The following LCMT1 variants were observed in gnomAD, a reference collection of about 807,000 sequenced individuals.
The protein encoded by LCMT1 is [Phosphatase 2A protein]-leucine-carboxy methyltransferase 1.
LCMT1 carries 32 observed loss-of-function variants against 47.7 expected under a neutral mutation model. The ratio of observed to expected loss-of-function variants is 0.67; its 90% confidence interval spans 0.51 to 0.90. The LOEUF (loss-of-function observed/expected upper bound fraction) is 0.90, where lower values mean the gene tolerates loss of function less well. LCMT1 is among the 40% of genes least tolerant of loss of function. LCMT1 has a pLI of 0.00. For synonymous variants in LCMT1, 152 were observed against 149.7 expected, an observed-to-expected ratio of 1.02 and a Z score of -0.11; for missense variants, 375 against 415.2, an observed-to-expected ratio of 0.90 and a Z score of 0.84.
intron 10 of LCMT1, 42 bp from the exon 11 acceptor site, chr16:25,177,959 C>T (rs762341501): frequency 1.9e-6 from 3 of 1,605,354 alleles, no homozygotes; most frequent in Non-Finnish European, 2.6e-6. Context: ...TGCTCCTGGC[C>T]ACCAGAGTCT....
chr16:25,138,525 G>GTGTGTGTGGT (rs1159731859), intron 3 of LCMT1, among the ~76,000 whole-genome samples: 10 of 151,836 alleles, frequency 6.6e-5, no homozygotes, highest in African/African-American at 2.2e-4. Flanking sequence ...ATGTGCGTGT[G>GTGTGTGTGGT]TGTGTGTGGT....
At chr16:25,119,425 C>G (rs935870592) in intron 1 of LCMT1, among the ~76,000 whole-genome samples, 49 of 152,258 alleles carry the variant, frequency 3.2e-4, no homozygotes, top group African/African-American at 1.1e-3. Context: ...CTTTGCGCCA[C>G]ATGAGCTGTA....
intron 1 of LCMT1, chr16:25,125,854 T>G (rs981100852): frequency 5.5e-5 from 11 of 198,754 alleles, no homozygotes; most frequent in East Asian, 1.8e-4. Flanking sequence ...ATAATAATAA[T>G]AATAATAATA....
intron 5 of LCMT1, among the ~76,000 whole-genome samples, chr16:25,156,369 G>A (rs1377438498): frequency 6.6e-6 from 1 of 152,204 alleles, no homozygotes; most frequent in African/African-American, 2.4e-5. Flanking sequence ...GCAGTGCCTA[G>A]TGCACAGACA....
At chr16:25,124,566 C>A (rs1484845319) in intron 1 of LCMT1, among the ~76,000 whole-genome samples, 1 of 152,164 alleles carries the variant, frequency 6.6e-6, no homozygotes, top group African/African-American at 2.4e-5. Flanking sequence ...ACATAGTAAG[C>A]ACTTGGTGAC....
intron 5 of LCMT1, among the ~76,000 whole-genome samples, chr16:25,154,072 C>T (rs1392608806): frequency 6.6e-6 from 1 of 151,956 alleles, no homozygotes; most frequent in Admixed American, 6.6e-5. Flanking sequence ...TGTGGTGGCT[C>T]AATCTCTGCT....
At chr16:25,166,555 C>G (rs3785371) in intron 7 of LCMT1, among the ~76,000 whole-genome samples, 5 of 152,312 alleles carry the variant, frequency 3.3e-5, no homozygotes, top group African/African-American at 1.2e-4. Context: ...TGCACACCAC[C>G]ATGCCCAGCT....
At chr16:25,143,245 T>G (rs1204836714) in intron 4 of LCMT1, 1 of 152,170 alleles carries the variant, frequency 6.6e-6, no homozygotes, top group Non-Finnish European at 1.5e-5. Flanking sequence ...AACTAAGTCT[T>G]AGGCTGCACG....
chr16:25,148,004 T>A (rs1960922441), intron 4 of LCMT1: 1 of 152,228 alleles, frequency 6.6e-6, no homozygotes, highest in African/African-American at 2.4e-5. Context: ...GCATTGCCCA[T>A]GACTGTAGCC....
intron 4 of LCMT1, chr16:25,141,796 T>C (rs1759431202): frequency 1.3e-5 from 2 of 152,280 alleles, no homozygotes; most frequent in South Asian, 2.1e-4. Flanking sequence ...CAAGACAGCA[T>C]TGGCTAGGGA....
chr16:25,168,208 C>G (rs1961645977), intron 7 of LCMT1, among the ~76,000 whole-genome samples: 1 of 151,838 alleles, frequency 6.6e-6, no homozygotes, highest in Non-Finnish European at 1.5e-5. Context: ...GCCACTGCGC[C>G]TGGCTGATTT....
intron 4 of LCMT1, chr16:25,146,078 G>C (rs1177387908): frequency 6.6e-6 from 1 of 152,222 alleles, no homozygotes; most frequent in Non-Finnish European, 1.5e-5. Flanking sequence ...ACAGAAATGA[G>C]GAGAAAAAAG....
At chr16:25,160,332 C>T (rs546858463) in intron 5 of LCMT1, among the ~76,000 whole-genome samples, 1 of 141,770 alleles carries the variant, frequency 7.1e-6, no homozygotes, top group East Asian at 2.1e-4. Context: ...AGCACGCCAC[C>T]CAGTTGATTC....
intron 1 of LCMT1, among the ~76,000 whole-genome samples, chr16:25,121,999 G>A (rs1189946515): frequency 2.0e-5 from 3 of 152,142 alleles, no homozygotes; most frequent in Non-Finnish European, 4.4e-5. Context: ...GGTGGCTCTG[G>A]TTTTTGCTCT....
chr16:25,160,414 A>G (rs959501448), intron 5 of LCMT1, among the ~76,000 whole-genome samples: 2 of 152,226 alleles, frequency 1.3e-5, no homozygotes, highest in African/African-American at 4.8e-5. Flanking sequence ...GAGTCTTTCA[A>G]AGCAAATGCT....
chr16:25,133,246 T>C (rs940300777), intron 3 of LCMT1, among the ~76,000 whole-genome samples: 8 of 152,142 alleles, frequency 5.3e-5, no homozygotes, highest in Non-Finnish European at 1.0e-4. Flanking sequence ...GGCTGGGTGA[T>C]GATAATATGT....
At chr16:25,172,046 C>T (rs910677574) in intron 9 of LCMT1, among the ~76,000 whole-genome samples, 1 of 152,150 alleles carries the variant, frequency 6.6e-6, no homozygotes, top group Non-Finnish European at 1.5e-5. Flanking sequence ...TGGCTCACAC[C>T]TGTAATCCCA....
At chr16:25,119,459 G>A (rs1959900528) in intron 1 of LCMT1, among the ~76,000 whole-genome samples, 1 of 152,034 alleles carries the variant, frequency 6.6e-6, no homozygotes, top group East Asian at 1.9e-4. Context: ...CCACAGTGAC[G>A]GGAACTGAGC....
intron 2 of LCMT1, among the ~76,000 whole-genome samples, chr16:25,129,957 A>G (rs1425762260): frequency 2.0e-5 from 3 of 152,030 alleles, no homozygotes; most frequent in African/African-American, 7.2e-5. Context: ...TGGGAGGGAA[A>G]GTGTTGTGAG....
Sources: allele counts gnomAD v4.1 joint callset (sites outside exome capture counted in the v4.1 genomes callset), GRCh38; gene constraint gnomAD v4.1.1; transcripts MANE v1.5; gene names NCBI Gene and HGNC (gene_info 2026-07-23, HGNC 2026-07-21).